SH2B2: variants seen among roughly 807,000 people sequenced by gnomAD.
The protein encoded by SH2B2 is SH2B adapter protein 2.
Under a neutral mutation model 35.7 loss-of-function variants are expected in SH2B2, and 37 were observed. That is an observed-to-expected ratio of 1.04 (90% CI 0.80 to 1.36). The LOEUF (loss-of-function observed/expected upper bound fraction) is 1.36, where lower values mean the gene tolerates loss of function less well. SH2B2 is among the 40% of genes most tolerant of loss of function. The pLI is 0.00. For synonymous variants in SH2B2, 383 were observed against 376.4 expected, an observed-to-expected ratio of 1.02 and a Z score of -0.20; for missense variants, 852 against 817.7, an observed-to-expected ratio of 1.04 and a Z score of -0.51.
At chr7:102,294,792 C>A (rs1792836640) in intron 1 of SH2B2, among the ~76,000 whole-genome samples, 1 of 152,180 alleles carries the variant, frequency 6.6e-6, no homozygotes, top group Admixed American at 6.5e-5. Context: ...GGCCTCCCTG[C>A]TGGCACTGCT....
chr7:102,306,576 T>A (rs141912540), intron 2 of SH2B2, 145 bp from the exon 3 acceptor site: 198 of 644,018 alleles, frequency 3.1e-4, no homozygotes, highest in South Asian at 8.0e-4. Flanking sequence ...CTTCCCCCTC[T>A]GTGAAATGGG....
In SH2B2 at chr7:102,300,511, C is replaced by G. The variant is rs1554553316; in HGVS notation, c.-29-11C>G. 1.3e-6 allele frequency: 2 copies of G among 1,523,942 alleles called. No individual in the cohort carries two copies. The highest frequency in any genetic ancestry group is 8.8e-7 in the Non-Finnish European group (1 of 1,139,466). The allele number at this position is 1,523,942 out of a possible 1,614,324, so 94.4% of individuals were successfully genotyped here. A position where few individuals can be genotyped will look rare whatever the true frequency, so the allele number is the denominator to read the frequency against. The stretch of plus-strand genomic sequence containing the variant: ...GGCCTGAAAGTCACTGCGCGCTCTT[C>G]TCGCCCGAAGCCGCAGGTGGCTGCG... On this transcript the variant is annotated splice_polypyrimidine_tract_variant and intron_variant, in intron 1 of 8. Transcript: ENST00000444095.
chr7:102,320,188 G>C, intron 7 of SH2B2, 143 bp from the exon 8 acceptor site: 4 of 634,488 alleles, frequency 6.3e-6, no homozygotes, highest in Non-Finnish European at 1.1e-5. Flanking sequence ...TCTCCAGATG[G>C]GGCTCATGTG....
At chr7:102,316,024 A>T (rs924584808) in intron 6 of SH2B2, among the ~76,000 whole-genome samples, 2 of 151,996 alleles carry the variant, frequency 1.3e-5, no homozygotes, top group Non-Finnish European at 2.9e-5. Flanking sequence ...TCATACCTGT[A>T]ATCTCAGCAC....
In SH2B2 at chr7:102,295,273, A is replaced by T. The variant is rs1377363987; in HGVS notation, c.-29-5249A>T. 2.0e-5 allele frequency among the ~76,000 whole-genome samples: 3 copies of T among 152,190 alleles called. No homozygotes were observed. The East Asian group carries it at 5.8e-4, about 29-fold the overall frequency. ...CCACACCTACCCTTCCCAGGCTGCCAAGTCACTGGCTCTGAGCCCCCTGGG... is the reference window on the plus strand; with the variant it reads ...CCACACCTACCCTTCCCAGGCTGCCTAGTCACTGGCTCTGAGCCCCCTGGG... On this transcript the variant is annotated intron_variant, in intron 1 of 8. Coordinates refer to ENST00000444095, the MANE Select transcript of SH2B2 (RefSeq NM_001359228.2).
intron 1 of SH2B2, among the ~76,000 whole-genome samples, chr7:102,293,365 C>G (rs1792764910): frequency 6.6e-6 from 1 of 151,626 alleles, no homozygotes; most frequent in South Asian, 2.1e-4. Flanking sequence ...AGGCCGTGGC[C>G]TGGAAAGGCG....
Position 102,300,950 on chromosome 7 carries a change from G to A in SH2B2, c.400G>A (p.Gly134Ser). 1 of 1,489,458 alleles carries A rather than the reference G, an allele frequency of 6.7e-7. No homozygotes were observed. Among genetic ancestry groups the A allele is most frequent in the Non-Finnish European group, 8.9e-7 (1 of 1,123,164 alleles). 92.3% of individuals were successfully genotyped at this position (1,489,458 alleles called of 1,614,324 possible). A position where few individuals can be genotyped will look rare whatever the true frequency, so the allele number is the denominator to read the frequency against. The change falls in exon 2 of 9, where the codon GGC (glycine) becomes AGC (serine). Residue 134 changes from glycine to serine, a missense_variant. By Grantham distance (56) the Gly-to-Ser change is moderately conservative (BLOSUM62 0). Around this residue, in one of 3 missense-constraint regions of SH2B2, gnomAD observed 294 missense variants for 286.6 expected, o/e 1.03. Transcript: ENST00000444095. ...GGCCACCAAGGCCCGCGTTCGCAAG[G>A]GCTTCTCGCTGCGCAACATGAGCCT... The part of the protein sequence containing the change: ...HAATKARVRK[G>S]FSLRNMSLCV...
At chr7:102,288,620 G>A (rs1554551257) in intron 1 of SH2B2, among the ~76,000 whole-genome samples, 1 of 152,092 alleles carries the variant, frequency 6.6e-6, no homozygotes, top group African/African-American at 2.4e-5. Context: ...CCCAGGGGTG[G>A]GCTTCCCTTG....
At chr7:102,320,272 C>A in intron 7 of SH2B2, 59 bp from the exon 8 acceptor site, 1 of 1,410,422 alleles carries the variant, frequency 7.1e-7, no homozygotes, top group Non-Finnish European at 9.9e-7. Context: ...CCCCCAAAGG[C>A]GCTTACCCAG....
intron 1 of SH2B2, among the ~76,000 whole-genome samples, chr7:102,292,468 T>C (rs1792708335): frequency 6.6e-6 from 1 of 150,960 alleles, no homozygotes; most frequent in Non-Finnish European, 1.5e-5. Flanking sequence ...GAGGCGGAAG[T>C]TGCAGTGAGC....
At chr7:102,307,216 C>T (rs1450722255) in intron 3 of SH2B2, among the ~76,000 whole-genome samples, 2 of 152,220 alleles carry the variant, frequency 1.3e-5, no homozygotes, top group African/African-American at 2.4e-5. Context: ...GGGAACTGGG[C>T]GGTCTCCCAC....
rs1459164254 is a variant in SH2B2 at position 102,315,758 on chromosome 7, A to AG, written c.1186+1076_1186+1077insG. On this transcript the variant is annotated intron_variant, in intron 6 of 8. Transcript: ENST00000444095. Reference sequence around the variant, plus strand: ...CCCTGTGAAAAGAAAAAAAAAAAAAAAAAAGAAAAGAAAAGAAGAAAGGAG... The same window carrying AG: ...CCCTGTGAAAAGAAAAAAAAAAAAAAGAAAAGAAAAGAAAAGAAGAAAGGAG... 6.8e-3 allele frequency among the ~76,000 whole-genome samples: 1,008 copies of AG among 148,256 alleles called. 17 individuals are homozygous for AG. Among genetic ancestry groups the AG allele is most frequent in the African/African-American group, 0.024 (958 of 39,306 alleles).
At position 102,306,722 on chromosome 7, in the gene SH2B2, C is replaced by T; in HGVS notation, c.731C>T (p.Ala244Val). The change falls in exon 3 of 9, where the codon GCC (alanine) becomes GTC (valine). Residue 244 changes from alanine to valine, a missense_variant and splice_region_variant. Physicochemically the swap from Ala to Val is moderately conservative, Grantham distance 64. Around this residue, in one of 3 missense-constraint regions of SH2B2, gnomAD observed 556 missense variants for 514.5 expected, o/e 1.08. Coordinates refer to ENST00000444095, the MANE Select transcript of SH2B2 (RefSeq NM_001359228.2). ...CACTATCCTTCTTCTGGCCCCCAGG[C>T]CTCCAGGCCCAAGGTCAGCATCCCA... ...FRLEFFVPPK[A>V]SRPKVSIPLS... 1.3e-6 allele frequency: 2 copies of T among 1,587,138 alleles called. No homozygotes were observed. The highest frequency in any genetic ancestry group is 1.2e-5 in the South Asian group (1 of 86,682).
At chr7:102,308,364 G>A (rs777444837) in intron 3 of SH2B2, among the ~76,000 whole-genome samples, 65 of 152,346 alleles carry the variant, frequency 4.3e-4, no homozygotes, top group Middle Eastern at 3.4e-3. Flanking sequence ...TATCTCAAGC[G>A]CATGGCCATG....
rs1157637306 is a variant in SH2B2 at position 102,313,697 on chromosome 7, G to A, written c.924-639G>A. Among the ~76,000 whole-genome samples the A allele has an allele frequency of 3.3e-5, 5 of 151,880 alleles. 1 individual carries two copies. Among genetic ancestry groups the A allele is most frequent in the African/African-American group, 4.8e-5 (2 of 41,362 alleles). ...TTGGAGGACGAGGCAGGCAGATCAC[G>A]AGGTCAGTTTGAGACCAGCCTGGCC... is the stretch of plus-strand genomic sequence containing the variant. On this transcript the variant is annotated intron_variant, in intron 4 of 8. Coordinates refer to ENST00000444095, the MANE Select transcript of SH2B2 (RefSeq NM_001359228.2).
chr7:102,306,782 C>T lies in SH2B2; in HGVS notation c.791C>T (p.Pro264Leu), dbSNP rs1554554959. ...SAIIEVRTTM[P>L]LEMPEKDNTF... ...ATCATTGAGGTCCGCACCACCATGC[C>T]CCTGGAAATGCCAGAGAAGGATAAC... Residue 264 changes from proline (P) to leucine (L), a missense_variant, in exon 3 of 9, where the codon CCC (proline) becomes CTC (leucine). Coordinates refer to ENST00000444095, the MANE Select transcript of SH2B2 (RefSeq NM_001359228.2). 1.3e-6 allele frequency: 2 copies of T among 1,599,458 alleles called. No individual in the cohort carries two copies. Among genetic ancestry groups the T allele is most frequent in the East Asian group, 4.5e-5 (2 of 44,150 alleles).
rs868939422 is a variant in SH2B2 at position 102,321,477 on chromosome 7, C to G, written c.1746C>G (p.Pro582=). The G allele has an allele frequency of 1.3e-4, 160 of 1,186,680 alleles. No homozygotes were observed. In the East Asian group the frequency reaches 3.3e-3, roughly 25 times the overall value. The allele number at this position is 1,186,680 out of a possible 1,614,324, so 73.5% of individuals were successfully genotyped here. The change falls in exon 9 of 9, where the codon CCC becomes CCG. Residue 582 remains proline (P), a synonymous_variant. Coordinates refer to ENST00000444095, the MANE Select transcript of SH2B2 (RefSeq NM_001359228.2). The part of the protein sequence containing the change: ...SSSSAASGPA[P]PRPVEGQLSA... ...CCTCTGCCGCGTCGGGGCCCGCCCCCCCGCGCCCCGTCGAGGGCCAGCTCA... is the reference window on the plus strand; with the variant it reads ...CCTCTGCCGCGTCGGGGCCCGCCCCGCCGCGCCCCGTCGAGGGCCAGCTCA...
At chr7:102,296,030 C>A (rs186771675) in intron 1 of SH2B2, among the ~76,000 whole-genome samples, 1 of 152,160 alleles carries the variant, frequency 6.6e-6, no homozygotes, top group Non-Finnish European at 1.5e-5. Flanking sequence ...TCCAAACTCC[C>A]GACTCCCCTC....
Position 102,297,530 on chromosome 7 carries a change from C to T in SH2B2, c.-29-2992C>T, listed in dbSNP as rs1792973622. ...AGAGGGAACTACCATATTTGATCCA[C>T]ACTAGGAGGAGACCCCTCAAGTCCT... On this transcript the variant is annotated intron_variant, in intron 1 of 8. Transcript: ENST00000444095. The surrounding 1 kb of genome is among the most constrained non-coding windows in gnomAD (Gnocchi z 4.3). Among the ~76,000 whole-genome samples, 1 of 152,162 alleles carries T rather than the reference C, an allele frequency of 6.6e-6. No individual in the cohort carries two copies. The highest frequency in any genetic ancestry group is 1.5e-5 in the Non-Finnish European group (1 of 68,034).
Sources: allele counts gnomAD v4.1 joint callset (sites outside exome capture counted in the v4.1 genomes callset), GRCh38; gene constraint gnomAD v4.1.1; regional missense constraint gnomAD v4.1.1; non-coding constraint Gnocchi (gnomAD v3.1); transcripts MANE v1.5; gene names NCBI Gene and HGNC (gene_info 2026-07-23, HGNC 2026-07-21).